Variants in HYDIN observed in about 807,000 individuals in gnomAD.
The protein encoded by HYDIN is axonemal central pair apparatus protein HYDIN.
A neutral mutation model predicts 403.9 loss-of-function variants in HYDIN; 132 were observed. That is an observed-to-expected ratio of 0.33 (90% CI 0.28 to 0.38). The LOEUF is 0.38. HYDIN is among the 10% of genes least tolerant of loss of function. The pLI is 1.00. For synonymous variants in HYDIN, 1,202 were observed against 1,891.7 expected (o/e 0.64, Z 9.46); for missense variants, 2,827 against 5,009.5 (o/e 0.56, Z 13.15).
At position 70,901,191 on chromosome 16, in the gene HYDIN, C is replaced by T. The variant is rs748823901; in HGVS notation, c.8861G>A (p.Arg2954Lys). Reference sequence around the variant, plus strand: ...CGTGACATTGCGGAGAAGAACTACCCTGGATTCCTGTCTGCAGAGACAAAA... The same window carrying T: ...CGTGACATTGCGGAGAAGAACTACCTTGGATTCCTGTCTGCAGAGACAAAA... ...DRLLLHRQES[R>K]VVLLRNVTLL... is the part of the protein sequence containing the mutation. The change falls in exon 53 of 86, where the codon AGG becomes AAG. Residue 2954 changes from arginine (R) to lysine (K), a missense_variant. Physicochemically the swap from Arg to Lys is conservative, Grantham distance 26. Transcript: ENST00000393567. The T allele has an allele frequency of 7.6e-5, 70 of 923,592 alleles. 1 individual carries two copies. The highest frequency in any genetic ancestry group is 3.0e-5 in the Non-Finnish European group (18 of 603,836). The allele number at this position is 923,592 out of a possible 1,614,324, so 57.2% of individuals were successfully genotyped here.
chr16:70,842,777 A>C (rs1298284825), intron 75 of HYDIN, among the ~76,000 whole-genome samples: 2 of 151,984 alleles, frequency 1.3e-5, no homozygotes, highest in East Asian at 1.9e-4. Context: ...CTTTCTATAT[A>C]TCATGTCTTT....
intron 18 of HYDIN, among the ~76,000 whole-genome samples, chr16:71,051,746 T>A (rs966621244): frequency 7.9e-5 from 12 of 152,084 alleles, no homozygotes; most frequent in Non-Finnish European, 1.6e-4. Context: ...CTATTCAGCA[T>A]TGCATTGAAA....
At chr16:71,189,070 T>C (rs546516654) in intron 1 of HYDIN, among the ~76,000 whole-genome samples, 69 of 152,204 alleles carry the variant, frequency 4.5e-4, no homozygotes, top group Non-Finnish European at 7.3e-4. Context: ...TTTGATTATA[T>C]GATTACAGTT....
chr16:70,823,777 C>T (rs939632060), intron 83 of HYDIN, among the ~76,000 whole-genome samples: 38 of 150,360 alleles, frequency 2.5e-4, no homozygotes, highest in African/African-American at 8.6e-4. Flanking sequence ...CCTCTTTACT[C>T]ATGCACTGGT....
At chr16:71,157,553 C>T (rs960556323) in intron 6 of HYDIN, among the ~76,000 whole-genome samples, 9 of 151,832 alleles carry the variant, frequency 5.9e-5, no homozygotes, top group Non-Finnish European at 8.8e-5. Flanking sequence ...AAGCCATCAG[C>T]GTTCTCAGTT....
At chr16:70,940,757 C>T (rs1384613460) in intron 43 of HYDIN, among the ~76,000 whole-genome samples, 1 of 152,272 alleles carries the variant, frequency 6.6e-6, no homozygotes, top group South Asian at 2.1e-4. Context: ...TCAAGGACTT[C>T]GACAGCCCAG....
chr16:71,012,732 G>C (rs2080129744), intron 23 of HYDIN, among the ~76,000 whole-genome samples: 2 of 152,154 alleles, frequency 1.3e-5, no homozygotes. Context: ...ATCCTAACTG[G>C]ATAAGAAAGG....
chr16:71,111,414 G>C (rs867952894), intron 10 of HYDIN, among the ~76,000 whole-genome samples: 1 of 152,180 alleles, frequency 6.6e-6, no homozygotes, highest in Non-Finnish European at 1.5e-5. Flanking sequence ...AAGATGCCCG[G>C]AAACCACTGT....
At chr16:71,206,466 A>G (rs4636918) in intron 1 of HYDIN, among the ~76,000 whole-genome samples, 54,770 of 152,074 alleles carry the variant, frequency 0.36, 10,315 homozygotes, top group East Asian at 0.57. Context: ...ACATTGGCCC[A>G]CACAGCTGAG....
chr16:71,138,730 T>C (rs1382478525), intron 7 of HYDIN, among the ~76,000 whole-genome samples: 1 of 152,148 alleles, frequency 6.6e-6, no homozygotes, highest in East Asian at 1.9e-4. Context: ...CACCTTTTCA[T>C]AAATTAATTG....
intron 37 of HYDIN, 47 bp from the exon 38 acceptor site, chr16:70,962,185 G>C: frequency 2.8e-6 from 2 of 721,952 alleles, no homozygotes; most frequent in Admixed American, 3.3e-5. Flanking sequence ...AGTTGGGAGG[G>C]GGACAAGGGA....
In HYDIN at chr16:70,807,610, C is replaced by G. The variant is rs2035170016; in HGVS notation, c.15336G>C (p.Trp5112Cys). 6.2e-7 allele frequency: 1 copy of G among 1,613,662 alleles called. No homozygotes were observed. The highest frequency in any genetic ancestry group is 8.5e-7 in the Non-Finnish European group (1 of 1,179,756). ...GGGTGATCCCCTTCAGATAATAAAC[C>G]CATTTAACTCCAGTCTCACTCCCTT... ...PGEGSETGVK[W>C]VYYLKGITL The change falls in exon 86 of 86, where the codon TGG (tryptophan) becomes TGC (cysteine). Residue 5112 changes from tryptophan (W) to cysteine (C), a missense_variant. Transcript: ENST00000393567.
At chr16:71,175,573 C>CA in intron 5 of HYDIN, 34 bp downstream of exon 5, 1 of 1,608,068 alleles carries the variant, frequency 6.2e-7, no homozygotes, top group Non-Finnish European at 8.5e-7. Context: ...TCTGCCAGTA[C>CA]AAGTGTCCAA....
intron 23 of HYDIN, among the ~76,000 whole-genome samples, chr16:71,017,248 G>A (rs2080292612): frequency 6.6e-6 from 1 of 151,146 alleles, no homozygotes; most frequent in Admixed American, 6.6e-5. Context: ...TACTTGGGAG[G>A]CTGAGGCAGG....
chr16:71,017,562 AG>A (rs1265894171), intron 23 of HYDIN, among the ~76,000 whole-genome samples: 1 of 151,738 alleles, frequency 6.6e-6, no homozygotes, highest in African/African-American at 2.4e-5. Context: ...AGTGTGAAAA[AG>A]ACTAATATAC....
chr16:70,892,869 A>ACATG (rs2041556875), intron 55 of HYDIN, among the ~76,000 whole-genome samples: 1 of 152,246 alleles, frequency 6.6e-6, no homozygotes, highest in Admixed American at 6.5e-5. Context: ...GGCTTTCAGC[A>ACATG]CATGCAGAGC....
At chr16:70,896,213 G>A (rs112948637) in intron 53 of HYDIN, 133 bp from the exon 54 acceptor site, 11 of 871,288 alleles carry the variant, frequency 1.3e-5, no homozygotes, top group African/African-American at 3.5e-5. Flanking sequence ...TTTTATCTTC[G>A]CCAAGCATTT....
rs762790989 is a variant in HYDIN, at chr16:70,970,707, A to G, written c.5432T>C (p.Leu1811Pro). ...VFQIAQSAQK[L>P]TLLARGQGLE... ...ACCTTGCCCACGTGCCAGGAGGGTA[A>G]GCTTTTGAGCACTCTGGGCAATCTG... is the stretch of plus-strand genomic sequence containing the variant. The change falls in exon 36 of 86, where the codon CTT (leucine) becomes CCT (proline). Residue 1811 changes from leucine (L) to proline (P), a missense_variant. Transcript: ENST00000393567. 2.0e-6 allele frequency: 3 copies of G among 1,535,274 alleles called. No individual in the cohort carries two copies. The Admixed American group carries it at 5.4e-5, about 28-fold the overall frequency.
At chr16:71,050,045 G>GGTGT (rs375649829) in intron 18 of HYDIN, among the ~76,000 whole-genome samples, 1 of 138,544 alleles carries the variant, frequency 7.2e-6, no homozygotes, top group Non-Finnish European at 1.6e-5. Flanking sequence ...TGTGTGTGTG[G>GGTGT]GTGTGTGTGT....
Sources: gnomAD v4.1 joint callset for allele counts (sites outside exome capture counted in the v4.1 genomes callset) on GRCh38, gnomAD v4.1.1 for gene constraint, MANE v1.5 for transcripts, NCBI Gene and HGNC (gene_info 2026-07-23, HGNC 2026-07-21) for gene names.